Variants in TXNDC16 observed in about 807,000 individuals in gnomAD.
TXNDC16 encodes thioredoxin domain containing 16.
TXNDC16 carries 74 observed loss-of-function variants against 85.6 expected under a neutral mutation model. That is an observed-to-expected ratio of 0.86 (90% CI 0.72 to 1.05). The LOEUF is 1.05. Among genes scored for constraint, TXNDC16 ranks in the 50% least tolerant of loss-of-function variants. The pLI is 0.00. For missense variants in TXNDC16, 959 were observed against 947.0 expected, an observed-to-expected ratio of 1.01 and a Z score of -0.17; for synonymous variants, 335 against 326.5, an observed-to-expected ratio of 1.03 and a Z score of -0.28.
At chr14:52,484,504 A>G (rs1441200349) in intron 12 of TXNDC16, among the ~76,000 whole-genome samples, 1 of 152,220 alleles carries the variant, frequency 6.6e-6, no homozygotes, top group Non-Finnish European at 1.5e-5. Context: ...CTGGTGATGT[A>G]GTGGCCATTG....
chr14:52,458,488 A>G (rs556442659), intron 16 of TXNDC16, among the ~76,000 whole-genome samples: 162 of 152,282 alleles, frequency 1.1e-3, no homozygotes, highest in Non-Finnish European at 2.1e-3. Flanking sequence ...ATTTGGGAGA[A>G]GGAGATTGCA....
At chr14:52,475,257 C>A (rs1264639800) in intron 14 of TXNDC16, among the ~76,000 whole-genome samples, 1 of 152,128 alleles carries the variant, frequency 6.6e-6, no homozygotes, top group African/African-American at 2.4e-5. Flanking sequence ...GAGAAGGCCA[C>A]AGAGAAAAGG....
At chr14:52,535,016 A>C (rs2037666964) in intron 6 of TXNDC16, among the ~76,000 whole-genome samples, 1 of 152,214 alleles carries the variant, frequency 6.6e-6, no homozygotes, top group African/African-American at 2.4e-5. Context: ...CAGCTGTTTC[A>C]AAACCACTTT....
At chr14:52,432,831 A>G (rs1352286777) in intron 20 of TXNDC16, among the ~76,000 whole-genome samples, 2 of 152,210 alleles carry the variant, frequency 1.3e-5, no homozygotes, top group Admixed American at 6.5e-5. Flanking sequence ...CTTTAAAAAA[A>G]GTATGAATAG....
chr14:52,536,077 T>A (rs1041575318), intron 6 of TXNDC16, among the ~76,000 whole-genome samples: 2 of 151,976 alleles, frequency 1.3e-5, no homozygotes, highest in African/African-American at 4.8e-5. Context: ...TACCTGGTAC[T>A]ATGGTCTAAA....
chr14:52,508,633 A>G (rs1341804327), intron 9 of TXNDC16, among the ~76,000 whole-genome samples: 25 of 152,216 alleles, frequency 1.6e-4, no homozygotes, highest in Admixed American at 7.2e-4. Context: ...TTACTGCGGC[A>G]CTATTCACAA....
intron 12 of TXNDC16, among the ~76,000 whole-genome samples, chr14:52,484,111 G>A (rs1215250897): frequency 6.7e-6 from 1 of 149,502 alleles, no homozygotes; most frequent in Non-Finnish European, 1.5e-5. Flanking sequence ...TTATGTTAAT[G>A]TTAAAAAGGA....
At chr14:52,487,299 G>A (rs1261065531) in intron 12 of TXNDC16, among the ~76,000 whole-genome samples, 1 of 152,040 alleles carries the variant, frequency 6.6e-6, no homozygotes, top group African/African-American at 2.4e-5. Flanking sequence ...CCAAGAAACT[G>A]GTCACTGGTA....
At chr14:52,496,419 T>A (rs1594729058) in intron 9 of TXNDC16, among the ~76,000 whole-genome samples, 1 of 55,614 alleles carries the variant, frequency 1.8e-5, no homozygotes, top group African/African-American at 9.1e-5. Flanking sequence ...CCAACTCGTC[T>A]TTTTTTTTTT....
intron 6 of TXNDC16, among the ~76,000 whole-genome samples, chr14:52,530,199 ATAT>A (rs1214414218): frequency 2.7e-5 from 2 of 73,884 alleles, no homozygotes; most frequent in African/African-American, 5.9e-5. Flanking sequence ...ATATTTATAT[ATAT>A]TATATTATAC....
intron 9 of TXNDC16, among the ~76,000 whole-genome samples, chr14:52,506,621 A>G (rs1030128085): frequency 1.5e-5 from 2 of 134,740 alleles, no homozygotes; most frequent in Non-Finnish European, 3.1e-5. Flanking sequence ...CAGTGGCGCA[A>G]TCTCGGCTCA....
intron 1 of TXNDC16, among the ~76,000 whole-genome samples, chr14:52,550,796 A>T (rs1446484437): frequency 6.6e-6 from 1 of 152,216 alleles, no homozygotes; most frequent in African/African-American, 2.4e-5. Flanking sequence ...AAAATCACAC[A>T]ACTCTGATTT....
chr14:52,484,640 G>T (rs2036226397), intron 12 of TXNDC16, among the ~76,000 whole-genome samples: 1 of 152,148 alleles, frequency 6.6e-6, no homozygotes, highest in African/African-American at 2.4e-5. Context: ...AGCACTTTGG[G>T]GGGCCGAGGT....
chr14:52,462,678 T>A (rs576879329), intron 16 of TXNDC16: 28 of 276,952 alleles, frequency 1.0e-4, no homozygotes, highest in Middle Eastern at 1.3e-3. Context: ...ATAAAAATAC[T>A]GAAATCTTTT....
intron 2 of TXNDC16, among the ~76,000 whole-genome samples, 178 bp from the exon 3 acceptor site, chr14:52,543,808 T>C (rs1287062638): frequency 6.6e-6 from 1 of 152,098 alleles, no homozygotes; most frequent in Non-Finnish European, 1.5e-5. Flanking sequence ...GAAAATACTA[T>C]TGATTTTTCA....
chr14:52,511,843 C>A (rs1417850103), intron 8 of TXNDC16, among the ~76,000 whole-genome samples: 1 of 152,106 alleles, frequency 6.6e-6, no homozygotes, highest in Non-Finnish European at 1.5e-5. Flanking sequence ...CCAAAACATT[C>A]TAAAATAGAA....
At chr14:52,533,712 G>A (rs2037635490) in intron 6 of TXNDC16, among the ~76,000 whole-genome samples, 1 of 152,184 alleles carries the variant, frequency 6.6e-6, no homozygotes, top group Non-Finnish European at 1.5e-5. Flanking sequence ...CAAGGGTCAG[G>A]TGGATACAGT....
chr14:52,478,188 G>A (rs2036061460), intron 14 of TXNDC16, among the ~76,000 whole-genome samples: 1 of 152,090 alleles, frequency 6.6e-6, no homozygotes, highest in Non-Finnish European at 1.5e-5. Context: ...GCAGTGCTAA[G>A]AGGAAAGTTC....
intron 12 of TXNDC16, among the ~76,000 whole-genome samples, chr14:52,487,262 C>T (rs753961723): frequency 6.6e-6 from 1 of 152,100 alleles, no homozygotes; most frequent in African/African-American, 2.4e-5. Context: ...CCCTGCATAT[C>T]GGAAAAGAAC....
Sources: gnomAD v4.1 joint callset for allele counts (sites outside exome capture counted in the v4.1 genomes callset) on GRCh38, gnomAD v4.1.1 for gene constraint, MANE v1.5 for transcripts, NCBI Gene and HGNC (gene_info 2026-07-23, HGNC 2026-07-21) for gene names.